RBFOX1: variants seen among roughly 807,000 people sequenced by gnomAD.
RBFOX1 encodes RNA binding fox-1 homolog 1.
Under a neutral mutation model 57.7 loss-of-function variants are expected in RBFOX1, and 8 were observed. That is an observed-to-expected ratio of 0.14 (90% CI 0.08 to 0.25). The LOEUF (loss-of-function observed/expected upper bound fraction) is 0.25, where lower values mean the gene tolerates loss of function less well. Among genes scored for constraint, RBFOX1 ranks in the 10% least tolerant of loss-of-function variants. RBFOX1 has a pLI of 1.00. For synonymous variants in RBFOX1, 326 were observed against 222.4 expected (o/e 1.47, Z -4.15); for missense variants, 611 against 548.5 (o/e 1.11, Z -1.14).
intron 1 of RBFOX1, among the ~76,000 whole-genome samples, chr16:5,340,247 C>T (rs919417851): frequency 1.3e-5 from 2 of 152,116 alleles, no homozygotes; most frequent in Non-Finnish European, 2.9e-5. Flanking sequence ...TTGTCCTCTG[C>T]CTATTAAGAC....
intron 2 of RBFOX1, among the ~76,000 whole-genome samples, chr16:6,338,895 T>C (rs1168266055): frequency 6.6e-6 from 1 of 152,162 alleles, no homozygotes; most frequent in African/African-American, 2.4e-5. Context: ...AATGAATTAG[T>C]CAAGAACTCA....
At chr16:6,119,953 C>T (rs1408062751) in intron 1 of RBFOX1, among the ~76,000 whole-genome samples, 7 of 152,198 alleles carry the variant, frequency 4.6e-5, no homozygotes, top group East Asian at 1.9e-4. Flanking sequence ...TCTCCTCTGC[C>T]CCAGCCCTTA....
intron 4 of RBFOX1, among the ~76,000 whole-genome samples, chr16:7,409,371 A>C (rs981438139): frequency 6.6e-6 from 1 of 152,232 alleles, no homozygotes; most frequent in South Asian, 2.1e-4. Flanking sequence ...TGCCTGTTTT[A>C]TTCATTGTGG....
At chr16:7,275,652 T>G (rs1341634476) in intron 4 of RBFOX1, among the ~76,000 whole-genome samples, 1 of 151,494 alleles carries the variant, frequency 6.6e-6, no homozygotes, top group Non-Finnish European at 1.5e-5. Context: ...CTTATCTGTT[T>G]CGGGGAACAT....
chr16:6,571,256 C>T (rs2097340818), intron 2 of RBFOX1, among the ~76,000 whole-genome samples: 1 of 152,174 alleles, frequency 6.6e-6, no homozygotes, highest in African/African-American at 2.4e-5. Context: ...AGCTGCTGCT[C>T]CCAGGGCTGA....
chr16:6,378,977 G>A (rs1328857997), intron 2 of RBFOX1, among the ~76,000 whole-genome samples: 5 of 152,120 alleles, frequency 3.3e-5, no homozygotes, highest in South Asian at 2.1e-4. Context: ...TAGCAATGGA[G>A]CAGGAAGTAA....
intron 2 of RBFOX1, among the ~76,000 whole-genome samples, chr16:6,612,528 G>T (rs2098076577): frequency 6.6e-6 from 1 of 152,146 alleles, no homozygotes; most frequent in Non-Finnish European, 1.5e-5. Context: ...TTGCCATGAG[G>T]CTAGAGCCAT....
intron 3 of RBFOX1, among the ~76,000 whole-genome samples, chr16:6,838,253 C>T (rs181285795): frequency 7.6e-4 from 115 of 152,076 alleles, no homozygotes; most frequent in Non-Finnish European, 2.5e-4. Flanking sequence ...TGTTCATCTG[C>T]CACTTAAGAG....
chr16:6,381,737 G>A (rs1596376792), intron 2 of RBFOX1, among the ~76,000 whole-genome samples: 1 of 152,214 alleles, frequency 6.6e-6, no homozygotes, highest in Non-Finnish European at 1.5e-5. Flanking sequence ...GCCGATGTAT[G>A]CCTGGGGCTA....
chr16:7,357,051 C>A (rs536757519), intron 4 of RBFOX1, among the ~76,000 whole-genome samples: 1 of 152,278 alleles, frequency 6.6e-6, no homozygotes, highest in South Asian at 2.1e-4. Flanking sequence ...AGGGATCTAT[C>A]TGCCTTGGAA....
intron 3 of RBFOX1, among the ~76,000 whole-genome samples, chr16:5,607,655 G>T (rs572511937): frequency 6.6e-6 from 1 of 152,264 alleles, no homozygotes; most frequent in East Asian, 1.9e-4. Flanking sequence ...GAAAGTGTCA[G>T]CTCTGTTGAT....
At chr16:6,680,222 A>G (rs1254880799) in intron 3 of RBFOX1, among the ~76,000 whole-genome samples, 1 of 151,400 alleles carries the variant, frequency 6.6e-6, no homozygotes, top group Non-Finnish European at 1.5e-5. Flanking sequence ...TGGTCGAAGT[A>G]CAATTTTTAC....
At chr16:6,346,213 A>G (rs2085342255) in intron 2 of RBFOX1, among the ~76,000 whole-genome samples, 1 of 152,168 alleles carries the variant, frequency 6.6e-6, no homozygotes, top group South Asian at 2.1e-4. Context: ...CTTATTATAT[A>G]TAGTGCCAAT....
At chr16:5,552,049 A>T (rs2045486125) in intron 2 of RBFOX1, among the ~76,000 whole-genome samples, 1 of 152,142 alleles carries the variant, frequency 6.6e-6, no homozygotes, top group Admixed American at 6.5e-5. Context: ...TGGTTTCCTC[A>T]TCTAAGGATA....
intron 1 of RBFOX1, among the ~76,000 whole-genome samples, chr16:6,313,380 C>A (rs544842126): frequency 6.6e-6 from 1 of 152,284 alleles, no homozygotes; most frequent in East Asian, 1.9e-4. Flanking sequence ...GCAAGGGGTG[C>A]AAGCCTGGAG....
At chr16:7,255,441 T>C (rs1258125460) in intron 4 of RBFOX1, among the ~76,000 whole-genome samples, 1 of 152,240 alleles carries the variant, frequency 6.6e-6, no homozygotes, top group East Asian at 1.9e-4. Context: ...ATCCACATAA[T>C]GCAACATTAT....
Position 7,136,229 on chromosome 16 carries a change from GC to G in RBFOX1, c.27+84133del, listed in dbSNP as rs200780482. Among the ~76,000 whole-genome samples the G allele has an allele frequency of 8.7e-3, 1,318 of 152,226 alleles. 13 individuals carry two copies. The highest frequency in any genetic ancestry group is 0.011 in the Non-Finnish European group (757 of 68,022). ...GTTCTTTGTGTTCGTCCATATGGTAGCCAGTAATCACAGTGGATATTGAAAT... is the reference window on the plus strand; with the variant it reads ...GTTCTTTGTGTTCGTCCATATGGTAGCAGTAATCACAGTGGATATTGAAAT... On this transcript the variant is annotated intron_variant, in intron 4 of 15. Coordinates refer to ENST00000550418, the MANE Select transcript of RBFOX1 (RefSeq NM_018723.4).
chr16:6,619,251 C>T (rs528743913), intron 2 of RBFOX1, among the ~76,000 whole-genome samples: 1 of 152,062 alleles, frequency 6.6e-6, no homozygotes, highest in African/African-American at 2.4e-5. Flanking sequence ...CTGTTGTTGC[C>T]AAACAACTCT....
intron 1 of RBFOX1, among the ~76,000 whole-genome samples, chr16:6,144,596 C>G (rs1049264223): frequency 1.3e-5 from 2 of 152,192 alleles, no homozygotes; most frequent in Non-Finnish European, 1.5e-5. Flanking sequence ...TGTAATGCAT[C>G]TGTAGCCAAG....
Sources: gnomAD v4.1 joint callset for allele counts (sites outside exome capture counted in the v4.1 genomes callset) on GRCh38, gnomAD v4.1.1 for gene constraint, MANE v1.5 for transcripts, NCBI Gene and HGNC (gene_info 2026-07-23, HGNC 2026-07-21) for gene names.